The following UNC45A variants were observed in gnomAD, a reference collection of about 807,000 sequenced individuals.
The protein encoded by UNC45A is unc-45 myosin chaperone A.
A neutral mutation model predicts 103.2 loss-of-function variants in UNC45A; 78 were observed. The observed-to-expected ratio is 0.76, with a 90% CI of 0.63 to 0.91. The LOEUF is 0.91. Ranked by LOEUF, UNC45A falls within the 40% of genes least tolerant of loss-of-function variation. The pLI, the probability that UNC45A is intolerant of heterozygous loss-of-function variation, is 0.00. For synonymous variants in UNC45A, 495 were observed against 504.6 expected (o/e 0.98, Z 0.25); for missense variants, 1,193 against 1,224.8 (o/e 0.97, Z 0.39).
chr15:90,946,222 C>A (rs67373863), intron 9 of UNC45A, among the ~76,000 whole-genome samples: 16,116 of 146,080 alleles, frequency 0.11, 1,411 homozygotes, highest in East Asian at 0.39. Context: ...CCATTGCACT[C>A]CAGCCTTGGG....
At position 90,946,823 on chromosome 15, in the gene UNC45A, G is replaced by A. The variant is rs754794422; in HGVS notation, c.1409G>A (p.Arg470Gln). The A allele has an allele frequency of 8.7e-6, 14 of 1,614,066 alleles. No homozygotes were observed. The highest frequency in any genetic ancestry group is 8.0e-5 in the African/African-American group (6 of 74,920). The stretch of plus-strand genomic sequence containing the variant: ...ATCCATGCAGCCGGCAAGGCTAAGC[G>A]GGCCTCATTCATCACTGCCAATGGT... ...ALIHAAGKAKRASFITANGVS... is the reference protein window; with the variant it reads ...ALIHAAGKAKQASFITANGVS... Residue 470 changes from arginine to glutamine, a missense_variant, in exon 10 of 20, where the codon CGG (arginine) becomes CAG (glutamine). By Grantham distance (43) the Arg-to-Gln change is conservative (BLOSUM62 1). Transcript: ENST00000418476.
chr15:90,931,201 G>C (rs890733450), upstream of UNC45A: 240 of 1,513,476 alleles, frequency 1.6e-4, no homozygotes, highest in Non-Finnish European at 2.0e-4. Context: ...AGGAGACACA[G>C]AAAAGATGGC....
chr15:90,931,958 C>T, upstream of UNC45A: 6 of 1,613,734 alleles, frequency 3.7e-6, no homozygotes, highest in Non-Finnish European at 5.1e-6. Flanking sequence ...GGGACAAGTT[C>T]CCACTCAGCC....
intron 17 of UNC45A, among the ~76,000 whole-genome samples, chr15:90,951,590 C>G (rs1293343518): frequency 6.6e-6 from 1 of 151,992 alleles, no homozygotes; most frequent in Non-Finnish European, 1.5e-5. Flanking sequence ...AGCAATACCT[C>G]GTCCCTATTT....
intron 8 of UNC45A, among the ~76,000 whole-genome samples, chr15:90,944,375 ACT>A (rs1194817054): frequency 2.0e-5 from 3 of 150,734 alleles, no homozygotes; most frequent in Non-Finnish European, 4.4e-5. Context: ...CAACAGGGCG[ACT>A]CTGTCTTAAA....
intron 17 of UNC45A, 190 bp from the exon 18 acceptor site, chr15:90,952,738 CT>C: frequency 1.7e-6 from 1 of 599,118 alleles, no homozygotes; most frequent in Non-Finnish European, 2.9e-6. Flanking sequence ...ATGCCACGCA[CT>C]TTTAAATAAC....
upstream of UNC45A, chr15:90,932,215 C>T: frequency 3.2e-6 from 4 of 1,266,906 alleles, no homozygotes; most frequent in Non-Finnish European, 4.3e-6. Context: ...CTCTGACTAG[C>T]TGGGTGACCT....
At chr15:90,945,652 A>G (rs2036526051) in intron 9 of UNC45A, among the ~76,000 whole-genome samples, 1 of 126,322 alleles carries the variant, frequency 7.9e-6, no homozygotes, top group Non-Finnish European at 1.6e-5. Flanking sequence ...TTTTTTTGAG[A>G]TGGAGTTTCG....
chr15:90,935,165 C>A, upstream of UNC45A: 1 of 707,884 alleles, frequency 1.4e-6, no homozygotes. Flanking sequence ...GAGCCAAGCG[C>A]CCCGCCCCTG....
In UNC45A at chr15:90,937,439, A is replaced by G. The variant is rs138494598; in HGVS notation, c.426+979A>G. On this transcript the variant is annotated intron_variant, in intron 4 of 19. Transcript: ENST00000418476. ...ATCCCCTACATAGCAAAACAATGCTATATTTTTTCTGTGGGTACACTTGGG... is the reference window on the plus strand; with the variant it reads ...ATCCCCTACATAGCAAAACAATGCTGTATTTTTTCTGTGGGTACACTTGGG... Among the ~76,000 whole-genome samples the G allele has an allele frequency of 1.1e-3, 164 of 152,276 alleles. 3 individuals are homozygous for G. The South Asian group carries it at 0.027, about 25-fold the overall frequency.
chr15:90,941,793 A>C (rs2036301023), intron 6 of UNC45A, among the ~76,000 whole-genome samples: 1 of 151,964 alleles, frequency 6.6e-6, no homozygotes, highest in Admixed American at 6.6e-5. Flanking sequence ...CCCCGTCTCT[A>C]CTAAAAATAC....
At chr15:90,932,701 G>C (rs1292793413), upstream of UNC45A, 1 of 413,116 alleles carries the variant, frequency 2.4e-6, no homozygotes, top group Non-Finnish European at 4.2e-6. Flanking sequence ...CCCGCGCAGA[G>C]AGCAAGTGAT....
upstream of UNC45A, chr15:90,931,823 T>A: frequency 6.2e-7 from 1 of 1,614,160 alleles, no homozygotes; most frequent in Non-Finnish European, 8.5e-7. Flanking sequence ...TCTCTCCAGC[T>A]TGGGCAGAGT....
At position 90,950,227 on chromosome 15, in the gene UNC45A, C is replaced by T. The variant is rs1183399882; in HGVS notation, c.2147C>T (p.Thr716Ile). Reference sequence around the variant, plus strand: ...GCAGCCCAGGCCCTTGCCAAGCTCACCATCACCTCCAACCCGGAGATGACC... The same window carrying T: ...GCAGCCCAGGCCCTTGCCAAGCTCATCATCACCTCCAACCCGGAGATGACC... ...TKAAQALAKL[T>I]ITSNPEMTFP... The change falls in exon 16 of 20, where the codon ACC (threonine) becomes ATC (isoleucine). Residue 716 changes from threonine (T) to isoleucine (I), a missense_variant. Physicochemically the swap from Thr to Ile is moderately conservative, Grantham distance 89. Transcript: ENST00000418476. The T allele has an allele frequency of 6.4e-7, 1 of 1,551,738 alleles. No homozygotes were observed. The highest frequency in any genetic ancestry group is 8.7e-7 in the Non-Finnish European group (1 of 1,147,002).
upstream of UNC45A, chr15:90,935,271 A>G: frequency 6.5e-7 from 1 of 1,543,140 alleles, no homozygotes; most frequent in South Asian, 1.2e-5. Context: ...CCGAACCCAG[A>G]CTCGCCCCGC....
In UNC45A at chr15:90,950,265, C is replaced by G; in HGVS notation, c.2185C>G (p.Arg729Gly). The G allele has an allele frequency of 6.4e-7, 1 of 1,551,684 alleles. No individual in the cohort carries two copies. Among genetic ancestry groups the G allele is most frequent in the African/African-American group, 1.4e-5 (1 of 73,182 alleles). Residue 729 changes from arginine to glycine, a missense_variant and splice_region_variant, in exon 16 of 20, where the codon CGG becomes GGG. By Grantham distance (125) the Arg-to-Gly change is moderately radical. Coordinates refer to ENST00000418476, the MANE Select transcript of UNC45A (RefSeq NM_018671.5). ...SNPEMTFPGE[R>G]IYEVVRPLVS... is the part of the protein sequence containing the mutation. ...CCCGGAGATGACCTTCCCTGGCGAG[C>G]GGGTACGTGTCTTCCTGCCCCGGCC...
chr15:90,940,661 C>T (rs908858818), intron 6 of UNC45A, 188 bp downstream of exon 6: 2 of 593,852 alleles, frequency 3.4e-6, no homozygotes, highest in Non-Finnish European at 5.1e-6. Flanking sequence ...ACCTGTAATC[C>T]CAGCACTTTG....
rs868219384 is a variant in UNC45A at position 90,953,480 on chromosome 15, C to T, written c.2599C>T (p.Leu867=). ...ACAGACCACACACTGGCTGGAGATC[C>T]TGCAGGCCCTGCTTCTGAGCTCCAA... ...PQVTTHWLEI[L]QALLLSSNQE... is the part of the protein sequence containing the mutation. The change falls in exon 20 of 20, where the codon CTG becomes TTG. Residue 867 remains leucine, a synonymous_variant. Coordinates refer to ENST00000418476, the MANE Select transcript of UNC45A (RefSeq NM_018671.5). The T allele has an allele frequency of 6.2e-7, 1 of 1,613,892 alleles. No homozygotes were observed.
chr15:90,939,427 T>C (rs1384614530), intron 4 of UNC45A, among the ~76,000 whole-genome samples: 2 of 152,226 alleles, frequency 1.3e-5, no homozygotes, highest in Non-Finnish European at 2.9e-5. Context: ...ACAATGTAGA[T>C]GGCACCACTG....
Sources: allele counts gnomAD v4.1 joint callset (sites outside exome capture counted in the v4.1 genomes callset), GRCh38; gene constraint gnomAD v4.1.1; transcripts MANE v1.5; gene names NCBI Gene and HGNC (gene_info 2026-07-23, HGNC 2026-07-21).